The following PSD3 variants were observed in gnomAD, a reference collection of about 807,000 sequenced individuals.
PSD3 encodes PH and SEC7 domain-containing protein 3.
In PSD3, 49 loss-of-function variants were observed where a neutral mutation model predicts 105.5. The observed-to-expected ratio is 0.46, with a 90% CI of 0.37 to 0.59. The LOEUF is 0.59. Among genes scored for constraint, PSD3 ranks in the 20% least tolerant of loss-of-function variants. The probability of loss-of-function intolerance (pLI) is 0.00; values close to 1 mark genes in which losing one functional copy is unlikely to be tolerated. For missense variants in PSD3, 1,561 were observed against 1,263.8 expected (o/e 1.24, Z -3.57); for synonymous variants, 557 against 457.8 (o/e 1.22, Z -2.77).
At chr8:18,837,974 G>C (rs1814262933) in intron 4 of PSD3, among the ~76,000 whole-genome samples, 1 of 152,146 alleles carries the variant, frequency 6.6e-6, no homozygotes, top group South Asian at 2.1e-4. Context: ...GTCACTCTGG[G>C]ATGAAATGAT....
At chr8:18,705,895 T>C (rs1801867573) in intron 9 of PSD3, among the ~76,000 whole-genome samples, 1 of 152,132 alleles carries the variant, frequency 6.6e-6, no homozygotes, top group African/African-American at 2.4e-5. Context: ...ATCAAGAGTA[T>C]CAAAAATACT....
intron 2 of PSD3, among the ~76,000 whole-genome samples, chr8:18,900,131 A>AT (rs1819409693): frequency 6.6e-6 from 1 of 152,052 alleles, no homozygotes; most frequent in Non-Finnish European, 1.5e-5. Context: ...TTATCTTGAC[A>AT]TTTTTTAAGG....
intron 10 of PSD3, among the ~76,000 whole-genome samples, chr8:18,634,783 G>T (rs1486685755): frequency 6.6e-6 from 1 of 152,038 alleles, no homozygotes; most frequent in Non-Finnish European, 1.5e-5. Context: ...AGTGCTTTAG[G>T]TCCAGGGGAT....
At chr8:18,540,667 G>T (rs1377472537) in intron 15 of PSD3, among the ~76,000 whole-genome samples, 1 of 152,006 alleles carries the variant, frequency 6.6e-6, no homozygotes, top group African/African-American at 2.4e-5. Context: ...TCCCACAGTC[G>T]CCTGACTGCT....
intron 4 of PSD3, among the ~76,000 whole-genome samples, chr8:18,849,079 C>A (rs1037848541): frequency 6.6e-6 from 1 of 152,212 alleles, no homozygotes; most frequent in Non-Finnish European, 1.5e-5. Flanking sequence ...GGCCATATCG[C>A]TGCCTCCAGT....
intron 1 of PSD3, among the ~76,000 whole-genome samples, chr8:18,937,724 G>C (rs1446646363): frequency 6.6e-6 from 1 of 152,162 alleles, no homozygotes; most frequent in African/African-American, 2.4e-5. Context: ...CCCCAATAGA[G>C]AGGAAATATT....
At chr8:18,636,508 G>A (rs1290640433) in intron 10 of PSD3, among the ~76,000 whole-genome samples, 1 of 152,178 alleles carries the variant, frequency 6.6e-6, no homozygotes, top group Non-Finnish European at 1.5e-5. Flanking sequence ...TAGCCTAAGT[G>A]TACAGTGTTT....
At chr8:18,706,821 G>A (rs1160921216) in intron 9 of PSD3, among the ~76,000 whole-genome samples, 1 of 152,168 alleles carries the variant, frequency 6.6e-6, no homozygotes, top group South Asian at 2.1e-4. Flanking sequence ...GCAACCTTCT[G>A]AGTATACCAT....
intron 4 of PSD3, among the ~76,000 whole-genome samples, chr8:18,822,861 G>A (rs1812856835): frequency 6.6e-6 from 1 of 152,098 alleles, no homozygotes; most frequent in African/African-American, 2.4e-5. Flanking sequence ...CCAGGTTCAG[G>A]TATTTTAAAG....
At chr8:18,683,997 C>G in intron 9 of PSD3, 1 of 714,620 alleles carries the variant, frequency 1.4e-6, no homozygotes, top group Non-Finnish European at 2.6e-6. Flanking sequence ...CGTTCCAAGG[C>G]TCTCACGCTG....
At chr8:18,858,005 T>A (rs1470307050) in intron 4 of PSD3, among the ~76,000 whole-genome samples, 1 of 152,196 alleles carries the variant, frequency 6.6e-6, no homozygotes, top group Non-Finnish European at 1.5e-5. Context: ...TTAATCCTCA[T>A]TAGCATTCAT....
At position 18,625,515 on chromosome 8, in the gene PSD3, C is replaced by T. The variant is rs113736601; in HGVS notation, c.2410+7098G>A. On this transcript the variant is annotated intron_variant, in intron 11 of 15. Coordinates refer to ENST00000327040, the MANE Select transcript of PSD3 (RefSeq NM_015310.4). ...AGTGTTTAAACAGCACTGTGTTGGC[C>T]AAGTAAAAGAAATGTTCAGGCTTCA... 1.2e-3 allele frequency among the ~76,000 whole-genome samples: 178 copies of T among 152,088 alleles called. 1 individual carries two copies. The highest frequency in any genetic ancestry group is 4.1e-3 in the African/African-American group (172 of 41,484).
At chr8:18,958,498 A>C (rs1325300635) in intron 1 of PSD3, among the ~76,000 whole-genome samples, 1 of 152,236 alleles carries the variant, frequency 6.6e-6, no homozygotes, top group Admixed American at 6.5e-5. Flanking sequence ...TCAAGGAATT[A>C]CAGAAAACAT....
At chr8:19,023,608 T>C (rs1300542558) in intron 1 of PSD3, among the ~76,000 whole-genome samples, 1 of 151,978 alleles carries the variant, frequency 6.6e-6, no homozygotes, top group Non-Finnish European at 1.5e-5. Context: ...AATATTATTT[T>C]AATTTTTTTG....
At chr8:18,612,014 G>A (rs1805303980) in intron 11 of PSD3, among the ~76,000 whole-genome samples, 1 of 152,154 alleles carries the variant, frequency 6.6e-6, no homozygotes, top group Non-Finnish European at 1.5e-5. Context: ...AAGGTGGAAT[G>A]TTAAATGAAC....
At chr8:19,065,447 CT>C (rs1829044914) in intron 1 of PSD3, among the ~76,000 whole-genome samples, 1 of 152,162 alleles carries the variant, frequency 6.6e-6, no homozygotes, top group Non-Finnish European at 1.5e-5. Context: ...ACTGCACCCC[CT>C]GACCCTCGTC....
chr8:18,942,226 G>C (rs73666759), intron 1 of PSD3, among the ~76,000 whole-genome samples: 8,639 of 151,818 alleles, frequency 0.057, 781 homozygotes, highest in African/African-American at 0.2. Flanking sequence ...AAGTCAGCCA[G>C]TGAGTATTAT....
intron 1 of PSD3, among the ~76,000 whole-genome samples, chr8:19,082,814 T>C (rs1009212057): frequency 6.6e-6 from 1 of 152,194 alleles, no homozygotes; most frequent in Admixed American, 6.5e-5. Flanking sequence ...TCATTCCTCC[T>C]AAATCCCGGT....
At chr8:18,679,845 A>T (rs1563166286) in intron 9 of PSD3, among the ~76,000 whole-genome samples, 2 of 152,206 alleles carry the variant, frequency 1.3e-5, no homozygotes, top group African/African-American at 4.8e-5. Flanking sequence ...TTGCTATATC[A>T]CTGAATAAAA....
Sources: allele counts gnomAD v4.1 joint callset (sites outside exome capture counted in the v4.1 genomes callset), GRCh38; gene constraint gnomAD v4.1.1; transcripts MANE v1.5; gene names NCBI Gene and HGNC (gene_info 2026-07-23, HGNC 2026-07-21).